ZNF891: variants seen among roughly 807,000 people sequenced by gnomAD.
The protein encoded by ZNF891 is zinc finger protein 891, also known as hCG1646157.
For synonymous variants in ZNF891, 199 were observed against 209.0 expected, an observed-to-expected ratio of 0.95 and a Z score of 0.41; for missense variants, 589 against 632.7, an observed-to-expected ratio of 0.93 and a Z score of 0.74.
chr12:133,105,705 C>G lies in ZNF891; in HGVS notation c.*14579G>C. 6.2e-7 allele frequency: 1 copy of G among 1,614,162 alleles called. No homozygotes were observed. The highest frequency in any genetic ancestry group is 8.5e-7 in the Non-Finnish European group (1 of 1,180,034). ...GGATGTATTAGGAAAGTAACAGTCT[C>G]TCATCAAGAAGCCCTGGCTCAACAT... On this transcript the variant is annotated 3_prime_UTR_variant, in exon 2 of 2. Coordinates refer to ENST00000537226, the MANE Select transcript of ZNF891 (RefSeq NM_001277291.2).
In ZNF891 at chr12:133,121,599, A is replaced by AT; in HGVS notation, c.319dup (p.Ile107AsnfsTer14). 1.3e-6 allele frequency: 2 copies of AT among 1,536,436 alleles called. No homozygotes were observed. On this transcript the variant is annotated frameshift_variant, in exon 2 of 2. Transcript: ENST00000537226. LOFTEE classifies it low-confidence loss of function (END_TRUNC). ...CTGGTCTGGACAGATGGCTTGGGGA[A>AT]TTCTCTTTTTCATATTCCTTATCTC... is the stretch of plus-strand genomic sequence containing the variant.
chr12:133,120,822 T>C lies in ZNF891; in HGVS notation c.1097A>G (p.His366Arg), dbSNP rs772916011. Residue 366 changes from histidine to arginine, a missense_variant, in exon 2 of 2, where the codon CAT becomes CGT. By Grantham distance (29) the His-to-Arg change is conservative (BLOSUM62 0). Coordinates refer to ENST00000537226, the MANE Select transcript of ZNF891 (RefSeq NM_001277291.2). ...TTTCTCTCCAGTGTGAGTTCTTACA[T>C]GTCTCCTTAAGGTTGAGGAATCATT... ...VFNDSSTLRR[H>R]VRTHTGEKPY... 6.4e-7 allele frequency: 1 copy of C among 1,564,270 alleles called. No individual in the cohort carries two copies. Among genetic ancestry groups the C allele is most frequent in the Non-Finnish European group, 8.6e-7 (1 of 1,156,122 alleles).
rs923485380 is a variant in ZNF891 at position 133,111,023 on chromosome 12, T to C, written c.*9261A>G. The C allele has an allele frequency of 6.6e-6, 1 of 152,140 alleles. No individual in the cohort carries two copies. Among genetic ancestry groups the C allele is most frequent in the African/African-American group, 2.4e-5 (1 of 41,424 alleles). The allele number at this position is 152,140 out of a possible 1,614,324, so 9.4% of individuals were successfully genotyped here. ...GGACAGGAAATTTGTTAAATCCCTCTGAAGAGATCCAAGAAATTTCAGAGC... is the reference window on the plus strand; with the variant it reads ...GGACAGGAAATTTGTTAAATCCCTCCGAAGAGATCCAAGAAATTTCAGAGC... On this transcript the variant is annotated 3_prime_UTR_variant, in exon 2 of 2. Transcript: ENST00000537226.
rs763417061 is a variant in ZNF891 at position 133,121,138 on chromosome 12, G to T, written c.781C>A (p.Gln261Lys). The stretch of plus-strand genomic sequence containing the variant: ...TATGTGTACTCTTTTTGTACTGTTT[G>T]ATTTCTCTGAAAATGCCATAGAGTT... Reference protein sequence around the residue: ...DTTLWHFQRNQTVQKEYTYSK... With the variant: ...DTTLWHFQRNKTVQKEYTYSK... Residue 261 changes from glutamine to lysine, a missense_variant, in exon 2 of 2, where the codon CAA becomes AAA. Physicochemically the swap from Gln to Lys is moderately conservative, Grantham distance 53. Coordinates refer to ENST00000537226, the MANE Select transcript of ZNF891 (RefSeq NM_001277291.2). 1.3e-6 allele frequency: 2 copies of T among 1,535,212 alleles called. No individual in the cohort carries two copies. The highest frequency in any genetic ancestry group is 1.7e-6 in the Non-Finnish European group (2 of 1,146,640).
chr12:133,120,722 AGT>A lies in ZNF891; in HGVS notation c.1195_1196del (p.Thr399TrpfsTer6), dbSNP rs1313681864. Reference protein sequence around the residue: ...TSLKAHMRTHTGEKPYECNQC... With the variant: ...TSLKAHMRTHXGEKPYECNQC... ...GATTACATTCATAAGGTTTCTCTCC[AGT>A]GTGAGTTCTCATGTGAGCCTTAAGG... On this transcript the variant is annotated frameshift_variant, in exon 2 of 2. Coordinates refer to ENST00000537226, the MANE Select transcript of ZNF891 (RefSeq NM_001277291.2). LOFTEE classifies it low-confidence loss of function (END_TRUNC). 6.4e-7 allele frequency: 1 copy of A among 1,567,448 alleles called. No individual in the cohort carries two copies. Among genetic ancestry groups the A allele is most frequent in the Admixed American group, 1.9e-5 (1 of 52,746 alleles).
chr12:133,121,969 T>C lies in ZNF891; in HGVS notation c.-51A>G, dbSNP rs184607866. 491 of 1,450,394 alleles carry C rather than the reference T, an allele frequency of 3.4e-4. No individual in the cohort carries two copies. The African/African-American group carries it at 5.1e-3, about 15-fold the overall frequency. The allele number at this position is 1,450,394 out of a possible 1,614,324, so 89.8% of individuals were successfully genotyped here. A position where few individuals can be genotyped will look rare whatever the true frequency, so the allele number is the denominator to read the frequency against. On this transcript the variant is annotated 5_prime_UTR_variant, in exon 2 of 2. Transcript: ENST00000537226. ...TAGAGTAGAGAGATCAGGATGTTTCTGTTCTTGTGTCTCCAATCCAGTCAC... is the reference window on the plus strand; with the variant it reads ...TAGAGTAGAGAGATCAGGATGTTTCCGTTCTTGTGTCTCCAATCCAGTCAC...
rs1159447536 is a variant in ZNF891 at position 133,120,482 on chromosome 12, T to C, written c.1437A>G (p.Ile479Met). 4 of 1,599,926 alleles carry C rather than the reference T, an allele frequency of 2.5e-6. No homozygotes were observed. Among genetic ancestry groups the C allele is most frequent in the African/African-American group, 2.7e-5 (2 of 74,162 alleles). ...FSGVSSLRMHIRTHTGEKPYE... is the reference protein window; with the variant it reads ...FSGVSSLRMHMRTHTGEKPYE... ...AGGGTTTCTCTCCAGTGTGAGTTCT[T>C]ATATGCATTCTAAGGGATGAGACCC... The change falls in exon 2 of 2, where the codon ATA (isoleucine) becomes ATG (methionine). Residue 479 changes from isoleucine (I) to methionine (M), a missense_variant. Ile to Met is a conservative substitution (Grantham distance 10). Coordinates refer to ENST00000537226, the MANE Select transcript of ZNF891 (RefSeq NM_001277291.2).
rs1434604515 is a variant in ZNF891, at chr12:133,113,303, CACTAA to C, written c.*6976_*6980del. On this transcript the variant is annotated 3_prime_UTR_variant, in exon 2 of 2. Transcript: ENST00000537226. ...TTAAGAAATAGACCACAGCTCTGTT[CACTAA>C]ACTAGACATCTTAAAAAAAGACAAA... 3 of 151,768 alleles carry C rather than the reference CACTAA, an allele frequency of 2.0e-5. No individual in the cohort carries two copies. Among genetic ancestry groups the C allele is most frequent in the African/African-American group, 7.3e-5 (3 of 41,306 alleles). The allele number at this position is 151,768 out of a possible 1,614,324, so 9.4% of individuals were successfully genotyped here. A position where few individuals can be genotyped will look rare whatever the true frequency, so the allele number is the denominator to read the frequency against.
Position 133,118,411 on chromosome 12 carries a change from A to G in ZNF891, c.*1873T>C, listed in dbSNP as rs1955727950. 1 of 152,076 alleles carries G rather than the reference A, an allele frequency of 6.6e-6. No individual in the cohort carries two copies. Among genetic ancestry groups the G allele is most frequent in the Non-Finnish European group, 1.5e-5 (1 of 68,036 alleles). The allele number at this position is 152,076 out of a possible 1,614,324, so 9.4% of individuals were successfully genotyped here. ...TTCCAAAGCCTGTTATTGTCTCTTT[A>G]CTGATGTCACTACAATTTATATCTC... On this transcript the variant is annotated 3_prime_UTR_variant, in exon 2 of 2. Transcript: ENST00000537226.
At position 133,120,087 on chromosome 12, in the gene ZNF891, T is replaced by C; in HGVS notation, c.*197A>G. On this transcript the variant is annotated 3_prime_UTR_variant, in exon 2 of 2. Transcript: ENST00000537226. Reference sequence around the variant, plus strand: ...ATAAAAAGATAACTGAAAATATACCTACCTCACATATTAAAAATACCTAAT... The same window carrying C: ...ATAAAAAGATAACTGAAAATATACCCACCTCACATATTAAAAATACCTAAT... 1 of 469,686 alleles carries C rather than the reference T, an allele frequency of 2.1e-6. No homozygotes were observed. Among genetic ancestry groups the C allele is most frequent in the Non-Finnish European group, 3.7e-6 (1 of 268,932 alleles). The allele number at this position is 469,686 out of a possible 1,614,324, so 29.1% of individuals were successfully genotyped here.
rs756719648 is a variant in ZNF891, at chr12:133,120,681, A to C, written c.1238T>G (p.Phe413Cys). Residue 413 changes from phenylalanine to cysteine, a missense_variant, in exon 2 of 2, where the codon TTT becomes TGT. Phe to Cys is a radical substitution (Grantham distance 205). Coordinates refer to ENST00000537226, the MANE Select transcript of ZNF891 (RefSeq NM_001277291.2). ...PYECNQCGKSFGTSSYLIVHK... is the reference protein window; with the variant it reads ...PYECNQCGKSCGTSSYLIVHK... ...CACTATAAGGTAAGAGCTTGTGCCA[A>C]AGGATTTTCCACACTGATTACATTC... 4.8e-5 allele frequency: 75 copies of C among 1,560,396 alleles called. No homozygotes were observed. Among genetic ancestry groups the C allele is most frequent in the Non-Finnish European group, 6.2e-5 (71 of 1,153,256 alleles).
chr12:133,120,889 C>G lies in ZNF891; in HGVS notation c.1030G>C (p.Gly344Arg). The change falls in exon 2 of 2, where the codon GGT becomes CGT. Residue 344 changes from glycine to arginine, a missense_variant. Gly to Arg is a moderately radical substitution (Grantham distance 125). Coordinates refer to ENST00000537226, the MANE Select transcript of ZNF891 (RefSeq NM_001277291.2). ...TCTTTACATTCATATTGTTTCTCAC[C>G]CATGTGACTTTTCTTGTATAAAGTA... ...NLTLYKKSHM[G>R]EKQYECKECG... The G allele has an allele frequency of 6.5e-7, 1 of 1,539,862 alleles. No homozygotes were observed. Among genetic ancestry groups the G allele is most frequent in the South Asian group, 1.2e-5 (1 of 84,078 alleles).
chr12:133,128,420 TG>T (rs1339175844), intron 1 of ZNF891, among the ~76,000 whole-genome samples: 7 of 152,142 alleles, frequency 4.6e-5, no homozygotes, highest in Non-Finnish European at 8.8e-5. Flanking sequence ...TTGCCTGAGC[TG>T]AAGAGTTCGA....
In ZNF891 at chr12:133,116,909, A is replaced by G. The variant is rs888958270; in HGVS notation, c.*3375T>C. 6.6e-6 allele frequency: 1 copy of G among 152,234 alleles called. No individual in the cohort carries two copies. The highest frequency in any genetic ancestry group is 1.5e-5 in the Non-Finnish European group (1 of 68,052). 9.4% of individuals were successfully genotyped at this position (152,234 alleles called of 1,614,324 possible). A position where few individuals can be genotyped will look rare whatever the true frequency, so the allele number is the denominator to read the frequency against. ...TCCACAGGTTGGAAGTGGGATCAGT[A>G]TCTTCCTTACTCCCTAACACTGCTT... On this transcript the variant is annotated 3_prime_UTR_variant, in exon 2 of 2. Transcript: ENST00000537226.
intron 1 of ZNF891, chr12:133,125,967 G>T (rs1955811204): frequency 2.4e-6 from 1 of 418,402 alleles, no homozygotes; most frequent in Non-Finnish European, 4.7e-6. Context: ...AGTCCAGCTG[G>T]CTAATTCTAA....
rs1204036502 is a variant in ZNF891, at chr12:133,112,503, T to A, written c.*7781A>T. The A allele has an allele frequency of 6.6e-6, 1 of 152,314 alleles. No homozygotes were observed. Among genetic ancestry groups the A allele is most frequent in the Non-Finnish European group, 1.5e-5 (1 of 68,144 alleles). 9.4% of individuals were successfully genotyped at this position (152,314 alleles called of 1,614,324 possible). The stretch of plus-strand genomic sequence containing the variant: ...GCCCAGCTAGTTTTTGTATTTTTAG[T>A]AGACATGGGGTTTCACCATGTTGCC... On this transcript the variant is annotated 3_prime_UTR_variant, in exon 2 of 2. Coordinates refer to ENST00000537226, the MANE Select transcript of ZNF891 (RefSeq NM_001277291.2).
rs947272605 is a variant in ZNF891 at position 133,117,345 on chromosome 12, AAT to A, written c.*2937_*2938del. On this transcript the variant is annotated 3_prime_UTR_variant, in exon 2 of 2. Coordinates refer to ENST00000537226, the MANE Select transcript of ZNF891 (RefSeq NM_001277291.2). Reference sequence around the variant, plus strand: ...GAAGATCTATTCATAAAGAATAAAAAATATATATATTTGGTTAGTAATTAGCA... The same window carrying A: ...GAAGATCTATTCATAAAGAATAAAAAATATATATTTGGTTAGTAATTAGCA... The A allele has an allele frequency of 8.5e-5, 13 of 152,334 alleles. 1 individual carries two copies. In the East Asian group the frequency reaches 2.3e-3, roughly 27 times the overall value. 9.4% of individuals were successfully genotyped at this position (152,334 alleles called of 1,614,324 possible). A position where few individuals can be genotyped will look rare whatever the true frequency, so the allele number is the denominator to read the frequency against.
chr12:133,120,265 A>T lies in ZNF891; in HGVS notation c.*19T>A. ...TCCACCTTAAGACAATGAAAACAGC[A>T]ATTCCACATTCATAACACTTACAGG... On this transcript the variant is annotated 3_prime_UTR_variant, in exon 2 of 2. Transcript: ENST00000537226. 2 of 1,502,628 alleles carry T rather than the reference A, an allele frequency of 1.3e-6. No homozygotes were observed. Among genetic ancestry groups the T allele is most frequent in the Admixed American group, 4.2e-5 (2 of 47,700 alleles). 93.1% of individuals were successfully genotyped at this position (1,502,628 alleles called of 1,614,324 possible).
Position 133,110,148 on chromosome 12 carries a change from T to C in ZNF891, c.*10136A>G, listed in dbSNP as rs1490098888. On this transcript the variant is annotated 3_prime_UTR_variant, in exon 2 of 2. Coordinates refer to ENST00000537226, the MANE Select transcript of ZNF891 (RefSeq NM_001277291.2). The stretch of plus-strand genomic sequence containing the variant: ...TTCAGACAAAGTTTGTCAACTCTGA[T>C]ATAAATATTTACTTTCATAACAATA... 6.6e-6 allele frequency: 1 copy of C among 152,244 alleles called. No homozygotes were observed. 9.4% of individuals were successfully genotyped at this position (152,244 alleles called of 1,614,324 possible).
Sources: allele counts gnomAD v4.1 joint callset (sites outside exome capture counted in the v4.1 genomes callset), GRCh38; gene constraint gnomAD v4.1.1; transcripts MANE v1.5; gene names NCBI Gene and HGNC (gene_info 2026-07-23, HGNC 2026-07-21).